Variants in LRRC4C observed in about 807,000 individuals in gnomAD.
LRRC4C encodes leucine rich repeat containing 4C, also known as leucine-rich repeat-containing protein 4C.
Under a neutral mutation model 33.6 loss-of-function variants are expected in LRRC4C, and 5 were observed. That is an observed-to-expected ratio of 0.15 (90% CI 0.08 to 0.31). The LOEUF (loss-of-function observed/expected upper bound fraction) is 0.31. Among genes scored for constraint, LRRC4C ranks in the 10% least tolerant of loss-of-function variants. LRRC4C has a pLI of 1.00. For missense variants in LRRC4C, 560 were observed against 796.7 expected, an observed-to-expected ratio of 0.70 and a Z score of 3.58; for synonymous variants, 329 against 302.0, an observed-to-expected ratio of 1.09 and a Z score of -0.93.
At chr11:40,790,221 C>T (rs1300259983) in intron 2 of LRRC4C, among the ~76,000 whole-genome samples, 1 of 152,036 alleles carries the variant, frequency 6.6e-6, no homozygotes, top group African/African-American at 2.4e-5. Flanking sequence ...AGTTTTTGCC[C>T]AATAATTTCT....
intron 6 of LRRC4C, among the ~76,000 whole-genome samples, chr11:40,122,952 T>TACACAC (rs371461809): frequency 0.03 from 4,144 of 140,296 alleles, 92 homozygotes; most frequent in African/African-American, 0.066. Flanking sequence ...TATATATTTA[T>TACACAC]ACACACACAC....
chr11:40,119,135 T>C (rs1353724031), intron 6 of LRRC4C, among the ~76,000 whole-genome samples: 2 of 152,244 alleles, frequency 1.3e-5, no homozygotes, highest in Admixed American at 6.5e-5. Context: ...CTACAGAAGG[T>C]AGAGAAGAGG....
rs187211249 is a variant in LRRC4C at position 40,922,911 on chromosome 11, C to T, written c.-407+10724G>A. 3.9e-5 allele frequency among the ~76,000 whole-genome samples: 6 copies of T among 152,176 alleles called. No individual in the cohort carries two copies. In the East Asian group the frequency reaches 5.8e-4, roughly 15 times the overall value. Reference sequence around the variant, plus strand: ...CGCAAACTCTGCTCACTGCAACCTCCGCCTCCCGGTTCAAGTGATTCTCAT... The same window carrying T: ...CGCAAACTCTGCTCACTGCAACCTCTGCCTCCCGGTTCAAGTGATTCTCAT... On this transcript the variant is annotated intron_variant, in intron 2 of 6. Transcript: ENST00000528697.
Position 41,440,405 on chromosome 11 carries a change from T to C in LRRC4C, c.-496+19026A>G, listed in dbSNP as rs562763711. On this transcript the variant is annotated intron_variant, in intron 1 of 6. Coordinates refer to ENST00000528697, the MANE Select transcript of LRRC4C (RefSeq NM_001258419.2). The stretch of plus-strand genomic sequence containing the variant: ...AATTTAAAAAGAAACAGATTCCAGA[T>C]ATATTTTATAGGTTTTATCTATGGT... 1.3e-4 allele frequency among the ~76,000 whole-genome samples: 20 copies of C among 152,250 alleles called. No homozygotes were observed. The East Asian group carries it at 1.7e-3, about 13-fold the overall frequency.
intron 3 of LRRC4C, among the ~76,000 whole-genome samples, chr11:40,365,500 C>T (rs1470923838): frequency 6.6e-6 from 1 of 151,950 alleles, no homozygotes; most frequent in African/African-American, 2.4e-5. Flanking sequence ...ATCATCCTAC[C>T]TGTCTCTTCT....
At chr11:41,271,085 T>C (rs890006955) in intron 1 of LRRC4C, among the ~76,000 whole-genome samples, 3 of 152,104 alleles carry the variant, frequency 2.0e-5, no homozygotes. Context: ...CAAATAATGT[T>C]ACCTTCACAG....
At chr11:41,318,017 G>A (rs892078360) in intron 1 of LRRC4C, among the ~76,000 whole-genome samples, 2 of 152,074 alleles carry the variant, frequency 1.3e-5, no homozygotes, top group Non-Finnish European at 2.9e-5. Context: ...AGTAGAACAT[G>A]CATTCAACAG....
chr11:41,021,149 G>A (rs533489303), intron 1 of LRRC4C, among the ~76,000 whole-genome samples: 7 of 141,972 alleles, frequency 4.9e-5, no homozygotes, highest in East Asian at 2.2e-4. Flanking sequence ...GTTCCCAATC[G>A]TGCATCTGAG....
intron 2 of LRRC4C, among the ~76,000 whole-genome samples, chr11:40,690,112 G>A (rs1423681699): frequency 1.3e-5 from 2 of 152,076 alleles, no homozygotes; most frequent in Non-Finnish European, 2.9e-5. Flanking sequence ...AAGCAATTCT[G>A]TTAACCTCTC....
At chr11:40,375,430 C>A (rs1027767602) in intron 3 of LRRC4C, among the ~76,000 whole-genome samples, 1 of 152,102 alleles carries the variant, frequency 6.6e-6, no homozygotes, top group East Asian at 1.9e-4. Context: ...CTGGACAGAA[C>A]TTGGATGCCA....
rs184592260 is a variant in LRRC4C at position 41,382,294 on chromosome 11, A to G, written c.-496+77137T>C. 2.6e-4 allele frequency among the ~76,000 whole-genome samples: 40 copies of G among 152,186 alleles called. 1 individual carries two copies. Among genetic ancestry groups the G allele is most frequent in the Admixed American group, 2.0e-3 (31 of 15,258 alleles). On this transcript the variant is annotated intron_variant, in intron 1 of 6. Transcript: ENST00000528697. ...AAACAATCAAAACTTAAGAAAAATA[A>G]TATCATACCTTAAATATGCTGAAAG...
intron 4 of LRRC4C, chr11:40,292,828 TGCACAATCAGTTTATCCATTGC>T (rs1221692401): frequency 6.6e-6 from 1 of 152,168 alleles, no homozygotes; most frequent in African/African-American, 2.4e-5. Flanking sequence ...CCTTCTCTCT[TGCACAATCAGTTTATCCATTGC>T]GTTCGGTTCC....
At chr11:41,119,303 AG>A (rs1236860413) in intron 1 of LRRC4C, among the ~76,000 whole-genome samples, 3 of 152,144 alleles carry the variant, frequency 2.0e-5, no homozygotes, top group Non-Finnish European at 4.4e-5. Flanking sequence ...GAGAGAAAAA[AG>A]GGGATGCAAA....
chr11:41,274,438 A>G (rs1355173204), intron 1 of LRRC4C, among the ~76,000 whole-genome samples: 2 of 152,136 alleles, frequency 1.3e-5, no homozygotes, highest in African/African-American at 4.8e-5. Flanking sequence ...GGCGAGAAGC[A>G]GTCAGTTTGG....
chr11:41,073,270 G>A (rs1938848964), intron 1 of LRRC4C, among the ~76,000 whole-genome samples: 3 of 152,120 alleles, frequency 2.0e-5, no homozygotes, highest in African/African-American at 7.2e-5. Context: ...AAGGAAAAGG[G>A]GAGCCAGTGC....
At chr11:40,385,344 C>T (rs1374373373) in intron 3 of LRRC4C, among the ~76,000 whole-genome samples, 1 of 152,188 alleles carries the variant, frequency 6.6e-6, no homozygotes, top group African/African-American at 2.4e-5. Context: ...TTTTCATCTG[C>T]TTAGCAGAGA....
chr11:40,385,541 G>T (rs922439024), intron 3 of LRRC4C, among the ~76,000 whole-genome samples: 1 of 152,086 alleles, frequency 6.6e-6, no homozygotes, highest in African/African-American at 2.4e-5. Context: ...GACTACTAGA[G>T]GGGGAGGGTG....
chr11:40,188,473 T>C (rs1320699253), intron 5 of LRRC4C, among the ~76,000 whole-genome samples: 1 of 152,230 alleles, frequency 6.6e-6, no homozygotes, highest in Admixed American at 6.5e-5. Context: ...ACTGTTATTA[T>C]TGAGTTTAAA....
chr11:40,227,995 A>G (rs1272537223), intron 5 of LRRC4C, among the ~76,000 whole-genome samples: 1 of 152,182 alleles, frequency 6.6e-6, no homozygotes, highest in East Asian at 1.9e-4. Context: ...CAGAAGAGAA[A>G]ACTGAAGCTG....
Sources: allele counts gnomAD v4.1 joint callset (sites outside exome capture counted in the v4.1 genomes callset), GRCh38; gene constraint gnomAD v4.1.1; transcripts MANE v1.5; gene names NCBI Gene and HGNC (gene_info 2026-07-23, HGNC 2026-07-21).